Variants in HMOX2 observed in about 807,000 individuals in gnomAD.
The protein encoded by HMOX2 is heme oxygenase (decycling) 2.
A neutral mutation model predicts 33.7 loss-of-function variants in HMOX2; 30 were observed. The ratio of observed to expected loss-of-function variants is 0.89; its 90% CI spans 0.67 to 1.21. The LOEUF (loss-of-function observed/expected upper bound fraction) is 1.21. Among genes scored for constraint, HMOX2 ranks in the 50% most tolerant of loss-of-function variants. HMOX2 has a pLI of 0.00. For missense variants in HMOX2, 403 were observed against 399.1 expected, an observed-to-expected ratio of 1.01 and a Z score of -0.08; for synonymous variants, 155 against 155.0, an observed-to-expected ratio of 1.00 and a Z score of 0.00.
Position 4,487,054 on chromosome 16 carries a change from C to T in HMOX2, c.-42+10567C>T, listed in dbSNP as rs151001992. ...GAAAGATTGCTTGAGCCCAGGAGTT[C>T]GAGACCAACCTGGGCAACATAGTGA... On this transcript the variant is annotated intron_variant, in intron 1 of 5. Coordinates refer to ENST00000570646, the MANE Select transcript of HMOX2 (RefSeq NM_002134.4). 2.1e-3 allele frequency among the ~76,000 whole-genome samples: 317 copies of T among 151,938 alleles called. 4 individuals carry two copies. The highest frequency in any genetic ancestry group is 7.4e-3 in the African/African-American group (306 of 41,468).
intron 1 of HMOX2, chr16:4,495,393 C>T (rs754380737): frequency 6.6e-6 from 1 of 152,250 alleles, no homozygotes; most frequent in Non-Finnish European, 1.5e-5. Flanking sequence ...TAGGCACAGT[C>T]TATGTAGGAT....
At chr16:4,492,512 G>C (rs1257271863) in intron 1 of HMOX2, among the ~76,000 whole-genome samples, 1 of 150,526 alleles carries the variant, frequency 6.6e-6, no homozygotes, top group East Asian at 2.0e-4. Context: ...GAGGTCAAGA[G>C]ATCGAGACCA....
chr16:4,481,367 A>AG (rs2058028389), intron 1 of HMOX2, among the ~76,000 whole-genome samples: 1 of 148,376 alleles, frequency 6.7e-6, no homozygotes, highest in African/African-American at 2.5e-5. Flanking sequence ...AAAAAAAAAG[A>AG]AAAAAATAAA....
chr16:4,489,089 T>C (rs1272585969), intron 1 of HMOX2, among the ~76,000 whole-genome samples: 1 of 152,182 alleles, frequency 6.6e-6, no homozygotes, highest in African/African-American at 2.4e-5. Flanking sequence ...CACAGTGTTA[T>C]GCTACCAATC....
At chr16:4,480,121 C>T (rs1312444422) in intron 1 of HMOX2, among the ~76,000 whole-genome samples, 2 of 151,920 alleles carry the variant, frequency 1.3e-5, no homozygotes, top group Non-Finnish European at 1.5e-5. Context: ...GATCTGAGCT[C>T]ACTGCAATCT....
intron 1 of HMOX2, among the ~76,000 whole-genome samples, chr16:4,485,782 T>C (rs1229847427): frequency 6.6e-6 from 1 of 152,194 alleles, no homozygotes; most frequent in Non-Finnish European, 1.5e-5. Flanking sequence ...TTGAGTGCAA[T>C]GGCTTGATCT....
intron 1 of HMOX2, among the ~76,000 whole-genome samples, chr16:4,478,351 G>T (rs1185073476): frequency 6.6e-6 from 1 of 152,042 alleles, no homozygotes; most frequent in Non-Finnish European, 1.5e-5. Context: ...TTGATTTTTT[G>T]GTTTCCTTTT....
At chr16:4,494,146 A>G (rs947511338) in intron 1 of HMOX2, among the ~76,000 whole-genome samples, 2 of 151,902 alleles carry the variant, frequency 1.3e-5, no homozygotes, top group Non-Finnish European at 2.9e-5. Flanking sequence ...GAAACCCCGT[A>G]TCTACTAAAA....
At chr16:4,483,899 G>C (rs1013032758) in intron 1 of HMOX2, 2 of 151,046 alleles carry the variant, frequency 1.3e-5, no homozygotes, top group African/African-American at 4.9e-5. Flanking sequence ...GGCATGAGCC[G>C]CTGCATCCAG....
rs762353294 is a variant in HMOX2 at position 4,508,178 on chromosome 16, A to G, written c.670A>G (p.Asn224Asp). Reference sequence around the variant, plus strand: ...CAAAGAGAGGATCGTGGAGGAGGCCAACAAGGCTTTTGAGTATAACATGCA... The same window carrying G: ...CAAAGAGAGGATCGTGGAGGAGGCCGACAAGGCTTTTGAGTATAACATGCA... ...KTKERIVEEA[N>D]KAFEYNMQIF... is the part of the protein sequence containing the mutation. Residue 224 changes from asparagine to aspartate, a missense_variant, in exon 4 of 6, where the codon AAC becomes GAC. By Grantham distance (23) the Asn-to-Asp change is conservative. Coordinates refer to ENST00000570646, the MANE Select transcript of HMOX2 (RefSeq NM_002134.4). 1.1e-5 allele frequency: 18 copies of G among 1,611,940 alleles called. No homozygotes were observed. The highest frequency in any genetic ancestry group is 1.5e-5 in the Non-Finnish European group (18 of 1,178,986).
chr16:4,489,116 T>C (rs1026138560), intron 1 of HMOX2, among the ~76,000 whole-genome samples: 1 of 152,126 alleles, frequency 6.6e-6, no homozygotes, highest in Non-Finnish European at 1.5e-5. Flanking sequence ...TCAGAGACCA[T>C]AAAACAAAAT....
At chr16:4,475,388 A>G (rs1375247022), upstream of HMOX2, among the ~76,000 whole-genome samples, 1 of 151,260 alleles carries the variant, frequency 6.6e-6, no homozygotes, top group Non-Finnish European at 1.5e-5. Flanking sequence ...GCTCACTGCA[A>G]CTTCCGCCTC....
chr16:4,483,717 T>C (rs1465814544), intron 1 of HMOX2: 2 of 152,152 alleles, frequency 1.3e-5, no homozygotes, highest in African/African-American at 4.8e-5. Flanking sequence ...ATTCAAGCGA[T>C]TCTCCTGCCT....
chr16:4,477,344 C>G (rs2057886168), intron 1 of HMOX2, among the ~76,000 whole-genome samples: 1 of 150,708 alleles, frequency 6.6e-6, no homozygotes, highest in Admixed American at 6.6e-5. Context: ...ACTAAAAATA[C>G]AAAAATCAGC....
At chr16:4,508,790 T>G (rs2058757809) in intron 4 of HMOX2, among the ~76,000 whole-genome samples, 1 of 152,218 alleles carries the variant, frequency 6.6e-6, no homozygotes, top group African/African-American at 2.4e-5. Flanking sequence ...GAAATGGGGA[T>G]GTACTCATGC....
chr16:4,499,159 A>G (rs757299523), intron 1 of HMOX2, among the ~76,000 whole-genome samples: 1 of 152,206 alleles, frequency 6.6e-6, no homozygotes, highest in African/African-American at 2.4e-5. Context: ...CAATCACCCA[A>G]TTGCTCATTC....
rs2058245094 is a variant in HMOX2, at chr16:4,489,086, T to C, written c.-42+12599T>C. ...TAAGGAGGGGGCAAGTAACACAGTGTTATGCTACCAATCAGGCTTTCAGAG... is the reference window on the plus strand; with the variant it reads ...TAAGGAGGGGGCAAGTAACACAGTGCTATGCTACCAATCAGGCTTTCAGAG... On this transcript the variant is annotated intron_variant, in intron 1 of 5. Transcript: ENST00000570646. 2.6e-5 allele frequency among the ~76,000 whole-genome samples: 4 copies of C among 152,136 alleles called. No homozygotes were observed. In the South Asian group the frequency reaches 8.3e-4, roughly 31 times the overall value.
chr16:4,485,977 G>C (rs970020414), intron 1 of HMOX2, among the ~76,000 whole-genome samples: 1 of 152,104 alleles, frequency 6.6e-6, no homozygotes, highest in African/African-American at 2.4e-5. Context: ...ACCCACCTCA[G>C]CCTCCCAAAG....
At chr16:4,481,425 CT>C (rs1394174472) in intron 1 of HMOX2, among the ~76,000 whole-genome samples, 1 of 151,662 alleles carries the variant, frequency 6.6e-6, no homozygotes, top group Non-Finnish European at 1.5e-5. Flanking sequence ...ATCTAGTTGA[CT>C]GGCTGGCCTC....
Sources: gnomAD v4.1 joint callset for allele counts (sites outside exome capture counted in the v4.1 genomes callset) on GRCh38, gnomAD v4.1.1 for gene constraint, MANE v1.5 for transcripts, NCBI Gene and HGNC (gene_info 2026-07-23, HGNC 2026-07-21) for gene names.